The following CRMP1 variants were observed in gnomAD, a reference collection of about 807,000 sequenced individuals.
CRMP1 encodes the protein collapsin response mediator protein 1.
Under a neutral mutation model 68.3 loss-of-function variants are expected in CRMP1, and 19 were observed. The observed-to-expected ratio is 0.28, with a 90% confidence interval of 0.19 to 0.41. The LOEUF (loss-of-function observed/expected upper bound fraction) is 0.41. Among genes scored for constraint, CRMP1 ranks in the 10% least tolerant of loss-of-function variants. The probability of loss-of-function intolerance (pLI) is 1.00; values close to 1 mark genes in which losing one functional copy is unlikely to be tolerated. For missense variants in CRMP1, 791 were observed against 967.4 expected (o/e 0.82, Z 2.42); for synonymous variants, 439 against 399.6 (o/e 1.10, Z -1.18).
Position 5,889,786 on chromosome 4 carries a change from C to T in CRMP1, c.381+2803G>A, listed in dbSNP as rs546328620. ...CTGTGGTTGGGGGCTGGGGCCCTGA[C>T]CTTCACCACCCCAGGGGCCAGTCCC... On this transcript the variant is annotated intron_variant, in intron 1 of 13. Coordinates refer to ENST00000324989, the MANE Select transcript of CRMP1 (RefSeq NM_001014809.3). The surrounding 1 kb of genome is among the most constrained non-coding windows in gnomAD (Gnocchi z 4.5). The T allele has an allele frequency of 2.0e-6, 3 of 1,527,962 alleles. No homozygotes were observed. Among genetic ancestry groups the T allele is most frequent in the East Asian group, 2.5e-5 (1 of 40,746 alleles). 94.7% of individuals were successfully genotyped at this position (1,527,962 alleles called of 1,614,324 possible). A position where few individuals can be genotyped will look rare whatever the true frequency, so the allele number is the denominator to read the frequency against.
In CRMP1 at chr4:5,842,346, T is replaced by C. The variant is rs781441104; in HGVS notation, c.1032+747A>G. Among the ~76,000 whole-genome samples, 18 of 150,470 alleles carry C rather than the reference T, an allele frequency of 1.2e-4. 1 individual carries two copies. The highest frequency in any genetic ancestry group is 2.2e-4 in the Non-Finnish European group (15 of 67,726). On this transcript the variant is annotated intron_variant, in intron 7 of 13. Transcript: ENST00000324989. This position sits in a 1 kb window ranked among gnomAD's most constrained non-coding sequence, Gnocchi z 4.5. ...TGGGAGGCTGAGGCAGGAGAGTCAC[T>C]TGAACCCAGGAAGCGGAGGCTGCAG...
chr4:5,849,297 T>C (rs1206508783), intron 6 of CRMP1, 95 bp downstream of exon 6: 2 of 990,190 alleles, frequency 2.0e-6, no homozygotes, highest in East Asian at 2.4e-5. Flanking sequence ...CCTTTCATTG[T>C]ACAGCCTCCT....
At position 5,856,168 on chromosome 4, in the gene CRMP1, C is replaced by T. The variant is rs1713040938; in HGVS notation, c.795G>A (p.Glu265=). ...ITSWYDGVRE[E]LEVLVQDKGV... Reference sequence around the variant, plus strand: ...CTTTGTCCTGCACCAGCACCTCCAGCTCCTCCCGAACGCCATCGTACCAGC... The same window carrying T: ...CTTTGTCCTGCACCAGCACCTCCAGTTCCTCCCGAACGCCATCGTACCAGC... The change falls in exon 4 of 14, where the codon GAG becomes GAA. Residue 265 remains glutamate (E), a synonymous_variant. Transcript: ENST00000324989. The T allele has an allele frequency of 1.2e-6, 2 of 1,613,984 alleles. No individual in the cohort carries two copies. Among genetic ancestry groups the T allele is most frequent in the East Asian group, 4.5e-5 (2 of 44,872 alleles).
chr4:5,857,344 A>G (rs542407946), intron 3 of CRMP1, among the ~76,000 whole-genome samples: 2 of 152,052 alleles, frequency 1.3e-5, no homozygotes, highest in African/African-American at 4.8e-5. Flanking sequence ...CCCCATCGCC[A>G]TCACCACCAT....
At chr4:5,856,059 G>C in intron 4 of CRMP1, 84 bp downstream of exon 4, 3 of 1,511,404 alleles carry the variant, frequency 2.0e-6, no homozygotes, top group South Asian at 1.3e-5. Flanking sequence ...GATGCAGACA[G>C]GGGGATTTTT....
chr4:5,829,895 G>A (rs1204650960), intron 11 of CRMP1, among the ~76,000 whole-genome samples: 1 of 152,152 alleles, frequency 6.6e-6, no homozygotes, highest in Non-Finnish European at 1.5e-5. Context: ...TGTGGAGTTG[G>A]GGGCCAAAGA....
chr4:5,846,105 G>T (rs1482104329), intron 6 of CRMP1, among the ~76,000 whole-genome samples: 1 of 152,122 alleles, frequency 6.6e-6, no homozygotes, highest in African/African-American at 2.4e-5. Context: ...AGACCAGCCT[G>T]GCCAACATGG....
At position 5,821,946 on chromosome 4, in the gene CRMP1, G is replaced by A; in HGVS notation, c.1970-95C>T. ...ATGTACTCTGCCATGCACTCCACTG[G>A]ACCCACCTTCATTCAGGGCTCAGTC... is the stretch of plus-strand genomic sequence containing the variant. On this transcript the variant is annotated intron_variant, in intron 13 of 13. Transcript: ENST00000324989. The surrounding 1 kb of genome is among the most constrained non-coding windows in gnomAD (Gnocchi z 4.4). 1 of 960,306 alleles carries A rather than the reference G, an allele frequency of 1.0e-6. No homozygotes were observed. Among genetic ancestry groups the A allele is most frequent in the South Asian group, 1.8e-5 (1 of 56,856 alleles). The allele number at this position is 960,306 out of a possible 1,614,324, so 59.5% of individuals were successfully genotyped here.
At chr4:5,822,450 G>A (rs920515310) in intron 13 of CRMP1, among the ~76,000 whole-genome samples, 5 of 149,600 alleles carry the variant, frequency 3.3e-5, no homozygotes, top group South Asian at 2.2e-4. Context: ...TGTGAACTCC[G>A]CAAGCTGGAT....
rs561452740 is a variant in CRMP1, at chr4:5,854,264, T to C, written c.820+1879A>G. Among the ~76,000 whole-genome samples, 438 of 152,192 alleles carry C rather than the reference T, an allele frequency of 2.9e-3. No homozygotes were observed. The highest frequency in any genetic ancestry group is 0.01 in the African/African-American group (417 of 41,524). On this transcript the variant is annotated intron_variant, in intron 4 of 13. Coordinates refer to ENST00000324989, the MANE Select transcript of CRMP1 (RefSeq NM_001014809.3). This position sits in a 1 kb window ranked among gnomAD's most constrained non-coding sequence, Gnocchi z 4.0. ...AATACAAGGATAATGCCTTTTTCTTTTAAAAGATAGGGTCTCACTCTATGA... is the reference window on the plus strand; with the variant it reads ...AATACAAGGATAATGCCTTTTTCTTCTAAAAGATAGGGTCTCACTCTATGA...
In CRMP1 at chr4:5,841,207, C is replaced by G. The variant is rs1401152459; in HGVS notation, c.1153+101G>C. 3.2e-6 allele frequency: 5 copies of G among 1,585,884 alleles called. No homozygotes were observed. In the African/African-American group the frequency reaches 5.4e-5, roughly 17 times the overall value. ...CATCCCCGCTCCACCCCTCCCTCCT[C>G]CGGCTGCCTGTCTGAGTTCGGGAGG... On this transcript the variant is annotated intron_variant, in intron 8 of 13. Coordinates refer to ENST00000324989, the MANE Select transcript of CRMP1 (RefSeq NM_001014809.3). The surrounding 1 kb of genome is among the most constrained non-coding windows in gnomAD (Gnocchi z 6.9).
rs201542196 is a variant in CRMP1, at chr4:5,822,499, G to C, written c.1970-648C>G. Among the ~76,000 whole-genome samples, 52 of 152,162 alleles carry C rather than the reference G, an allele frequency of 3.4e-4. 1 individual carries two copies. The East Asian group carries it at 7.9e-3, about 23-fold the overall frequency. On this transcript the variant is annotated intron_variant, in intron 13 of 13. Coordinates refer to ENST00000324989, the MANE Select transcript of CRMP1 (RefSeq NM_001014809.3). The stretch of plus-strand genomic sequence containing the variant: ...TGGCGATAGGTGGATCTGAAGGGGG[G>C]GGGGGTGGTGTGCAGAGGTTCTTAA...
At chr4:5,868,208 C>T (rs1157544318) in intron 1 of CRMP1, among the ~76,000 whole-genome samples, 2 of 147,716 alleles carry the variant, frequency 1.4e-5, no homozygotes, top group African/African-American at 5.0e-5. Context: ...GTCCTTTCTG[C>T]ATTTTACCAT....
intron 2 of CRMP1, among the ~76,000 whole-genome samples, chr4:5,863,155 A>T (rs1296391998): frequency 6.7e-6 from 1 of 148,818 alleles, no homozygotes; most frequent in Non-Finnish European, 1.5e-5. Flanking sequence ...TTTCCTGAAC[A>T]GCCTGGTTGG....
Position 5,892,490 on chromosome 4 carries a change from C to T in CRMP1, c.381+99G>A. 1 of 1,103,788 alleles carries T rather than the reference C, an allele frequency of 9.1e-7. No individual in the cohort carries two copies. The highest frequency in any genetic ancestry group is 4.6e-5 in the East Asian group (1 of 21,954). The allele number at this position is 1,103,788 out of a possible 1,614,324, so 68.4% of individuals were successfully genotyped here. A position where few individuals can be genotyped will look rare whatever the true frequency, so the allele number is the denominator to read the frequency against. ...CTCTCCCCAGCCTGGCGGCCGCTGC[C>T]CCAACACCGGGGCCCGGGCATGGCC... On this transcript the variant is annotated intron_variant, in intron 1 of 13. Coordinates refer to ENST00000324989, the MANE Select transcript of CRMP1 (RefSeq NM_001014809.3). The surrounding 1 kb of genome is among the most constrained non-coding windows in gnomAD (Gnocchi z 8.6).
rs1030627608 is a variant in CRMP1, at chr4:5,835,773, G to A, written c.1623+142C>T. 5.6e-5 allele frequency: 56 copies of A among 1,005,220 alleles called. No individual in the cohort carries two copies. In the African/African-American group the frequency reaches 8.1e-4, roughly 15 times the overall value. 62.3% of individuals were successfully genotyped at this position (1,005,220 alleles called of 1,614,324 possible). ...CCTCCTCCCAATCTCTCCAACTGGA[G>A]GAGAAATGGGAATGACTGAGTCAGG... is the stretch of plus-strand genomic sequence containing the variant. On this transcript the variant is annotated intron_variant, in intron 11 of 13. Coordinates refer to ENST00000324989, the MANE Select transcript of CRMP1 (RefSeq NM_001014809.3).
At chr4:5,868,303 A>AT in intron 1 of CRMP1, among the ~76,000 whole-genome samples, 1 of 95,080 alleles carries the variant, frequency 1.1e-5, no homozygotes, top group African/African-American at 3.3e-5. Context: ...ATATATATAT[A>AT]CATAATTTTT....
rs370027610 is a variant in CRMP1, at chr4:5,843,801, T to C, written c.964-640A>G. ...CTCATTAATTGGCAGCCGGCTCTCA[T>C]ACCTACTTCAGCTGCCTCTTCCTGG... On this transcript the variant is annotated intron_variant, in intron 6 of 13. Transcript: ENST00000324989. The surrounding 1 kb of genome is among the most constrained non-coding windows in gnomAD (Gnocchi z 4.1). Among the ~76,000 whole-genome samples, 1 of 152,134 alleles carries C rather than the reference T, an allele frequency of 6.6e-6. No homozygotes were observed. The highest frequency in any genetic ancestry group is 6.5e-5 in the Admixed American group (1 of 15,276).
chr4:5,852,395 T>C (rs1228767003), intron 4 of CRMP1, among the ~76,000 whole-genome samples: 4 of 152,194 alleles, frequency 2.6e-5, no homozygotes, highest in Non-Finnish European at 4.4e-5. Flanking sequence ...AATAGCAAGA[T>C]TTCTGGGCAA....
Sources: allele counts gnomAD v4.1 joint callset (sites outside exome capture counted in the v4.1 genomes callset), GRCh38; gene constraint gnomAD v4.1.1; non-coding constraint Gnocchi (gnomAD v3.1); transcripts MANE v1.5; gene names NCBI Gene and HGNC (gene_info 2026-07-23, HGNC 2026-07-21).